TMC1: variants seen among roughly 807,000 people sequenced by gnomAD.
TMC1 encodes transmembrane channel-like protein 1.
In TMC1, 84 loss-of-function variants were observed where a neutral mutation model predicts 105.8. The ratio of observed to expected loss-of-function variants is 0.79; its 90% CI spans 0.67 to 0.95. The LOEUF is 0.95. TMC1 is among the 40% of genes least tolerant of loss of function. The pLI, the probability that TMC1 is intolerant of heterozygous loss-of-function variation, is 0.00. For missense variants in TMC1, 817 were observed against 914.1 expected (o/e 0.89, Z 1.37); for synonymous variants, 315 against 311.5 (o/e 1.01, Z -0.12).
intron 1 of TMC1, among the ~76,000 whole-genome samples, chr9:72,573,030 G>T (rs7864420): frequency 0.021 from 3,140 of 152,146 alleles, 113 homozygotes; most frequent in African/African-American, 0.071. Context: ...AATATTGTTG[G>T]TTATGAAATG....
At chr9:72,611,548 G>C (rs978982498) in intron 2 of TMC1, among the ~76,000 whole-genome samples, 1 of 152,050 alleles carries the variant, frequency 6.6e-6, no homozygotes, top group Non-Finnish European at 1.5e-5. Context: ...AAAATTGTCT[G>C]TTAGTGCTTT....
chr9:72,678,700 T>G (rs1826242742), intron 5 of TMC1, among the ~76,000 whole-genome samples: 1 of 152,088 alleles, frequency 6.6e-6, no homozygotes, highest in Non-Finnish European at 1.5e-5. Context: ...ATTATGTTTT[T>G]CATAAAGTCA....
intron 8 of TMC1, among the ~76,000 whole-genome samples, chr9:72,728,282 T>C (rs568760412): frequency 3.9e-5 from 6 of 152,138 alleles, no homozygotes; most frequent in African/African-American, 1.2e-4. Context: ...AGCAAATATA[T>C]GGGGGAACTA....
At chr9:72,818,550 A>G (rs1828825351) in intron 19 of TMC1, 1 of 152,204 alleles carries the variant, frequency 6.6e-6, no homozygotes, top group Non-Finnish European at 1.5e-5. Flanking sequence ...CTCTCCCGCC[A>G]GGTTTATCAC....
chr9:72,743,374 A>T (rs75111788), intron 10 of TMC1, among the ~76,000 whole-genome samples: 11 of 123,908 alleles, frequency 8.9e-5, no homozygotes, highest in Non-Finnish European at 1.0e-4. Context: ...CTCACAAAAA[A>T]AAAAAAATAA....
At chr9:72,524,274 C>T (rs1033905688) in intron 1 of TMC1, among the ~76,000 whole-genome samples, 2 of 151,938 alleles carry the variant, frequency 1.3e-5, no homozygotes, top group African/African-American at 4.8e-5. Flanking sequence ...TCTGCCCAAA[C>T]GTCTCAAAAA....
chr9:72,684,310 T>C (rs1826340045), intron 5 of TMC1, among the ~76,000 whole-genome samples: 2 of 152,288 alleles, frequency 1.3e-5, no homozygotes, highest in African/African-American at 4.8e-5. Flanking sequence ...ACTAAACATA[T>C]GCCTGCCAAG....
At chr9:72,629,650 A>G (rs1246575947) in intron 4 of TMC1, among the ~76,000 whole-genome samples, 1 of 152,182 alleles carries the variant, frequency 6.6e-6, no homozygotes, top group Non-Finnish European at 1.5e-5. Context: ...CAACATAGAC[A>G]AAATCAAAGG....
intron 1 of TMC1, among the ~76,000 whole-genome samples, chr9:72,556,892 A>G (rs1052137499): frequency 1.2e-4 from 19 of 152,252 alleles, no homozygotes; most frequent in Middle Eastern, 3.4e-3. Flanking sequence ...CCAAGGGGAC[A>G]TTTGACAATG....
At chr9:72,671,643 T>C (rs1365348814) in intron 5 of TMC1, among the ~76,000 whole-genome samples, 1 of 152,146 alleles carries the variant, frequency 6.6e-6, no homozygotes, top group East Asian at 1.9e-4. Context: ...TGAGCATCCA[T>C]TAATTTTGGT....
chr9:72,706,564 C>T (rs1826742385), intron 8 of TMC1, among the ~76,000 whole-genome samples: 1 of 151,976 alleles, frequency 6.6e-6, no homozygotes, highest in Non-Finnish European at 1.5e-5. Context: ...GTCTTTTATC[C>T]CTCATCCCAA....
At chr9:72,573,465 A>G (rs1824322466) in intron 1 of TMC1, among the ~76,000 whole-genome samples, 1 of 152,232 alleles carries the variant, frequency 6.6e-6, no homozygotes, top group Admixed American at 6.5e-5. Context: ...ATGCTGTGCC[A>G]GCATTTCTAC....
chr9:72,645,512 GT>G (rs1213225342), intron 4 of TMC1, among the ~76,000 whole-genome samples: 2 of 152,140 alleles, frequency 1.3e-5, no homozygotes, highest in Non-Finnish European at 2.9e-5. Context: ...CATGGCAACA[GT>G]TTTTTGGATG....
At chr9:72,620,528 G>C (rs1332323521) in intron 3 of TMC1, among the ~76,000 whole-genome samples, 2 of 152,122 alleles carry the variant, frequency 1.3e-5, no homozygotes, top group African/African-American at 4.8e-5. Context: ...TGGCATTACA[G>C]TCCTGAACCA....
intron 10 of TMC1, among the ~76,000 whole-genome samples, chr9:72,750,300 TTTAGCTGAATG>T: frequency 1.3e-5 from 2 of 152,300 alleles, no homozygotes; most frequent in Middle Eastern, 6.8e-3. Context: ...AATAGAGATG[TTTAGCTGAATG>T]TTAGCTGAAT....
chr9:72,837,882 C>T lies in TMC1; in HGVS notation c.*1909C>T, dbSNP rs1401130832. 6.6e-6 allele frequency: 1 copy of T among 152,204 alleles called. No homozygotes were observed. The highest frequency in any genetic ancestry group is 1.5e-5 in the Non-Finnish European group (1 of 68,036). The allele number at this position is 152,204 out of a possible 1,614,324, so 9.4% of individuals were successfully genotyped here. A position where few individuals can be genotyped will look rare whatever the true frequency, so the allele number is the denominator to read the frequency against. Reference sequence around the variant, plus strand: ...TGTCTTTTTCAGATTGACTTCCATTCTCAATCTTATCACTCCCTTTTTAGG... The same window carrying T: ...TGTCTTTTTCAGATTGACTTCCATTTTCAATCTTATCACTCCCTTTTTAGG... On this transcript the variant is annotated 3_prime_UTR_variant, in exon 24 of 24. Transcript: ENST00000297784.
At chr9:72,788,972 C>T in intron 14 of TMC1, 151 bp from the exon 15 acceptor site, 1 of 769,974 alleles carries the variant, frequency 1.3e-6, no homozygotes, top group Non-Finnish European at 2.1e-6. Flanking sequence ...CAATATTCAC[C>T]TGGTTTGTGG....
chr9:72,569,133 G>C (rs868481119), intron 1 of TMC1, among the ~76,000 whole-genome samples: 2 of 152,184 alleles, frequency 1.3e-5, no homozygotes, highest in Admixed American at 1.3e-4. Context: ...AAATGGTACA[G>C]TATTTGCATA....
intron 20 of TMC1, among the ~76,000 whole-genome samples, chr9:72,822,856 T>C (rs1307202212): frequency 1.3e-5 from 2 of 152,160 alleles, no homozygotes; most frequent in Non-Finnish European, 2.9e-5. Flanking sequence ...AACATGGATC[T>C]CCACAGATGC....
Sources: allele counts gnomAD v4.1 joint callset (sites outside exome capture counted in the v4.1 genomes callset), GRCh38; gene constraint gnomAD v4.1.1; transcripts MANE v1.5; gene names NCBI Gene and HGNC (gene_info 2026-07-23, HGNC 2026-07-21).